The following DRC11 variants were observed in gnomAD, a reference collection of about 807,000 sequenced individuals.
DRC11 encodes dynein regulatory complex subunit 11.
At chr2:236,488,155 C>T in the DRC11 span, 3 of 1,605,920 alleles carry the variant, frequency 1.9e-6, no homozygotes, top group Non-Finnish European at 2.5e-6. Context: ...ATTAATTTAA[C>T]AGCCTCATCG....
chr2:236,319,861 G>C, the DRC11 span, among the ~76,000 whole-genome samples: 3 of 152,200 alleles, frequency 2.0e-5, no homozygotes, highest in Non-Finnish European at 4.4e-5. The surrounding 1 kb of genome is among the most constrained non-coding windows in gnomAD (Gnocchi z 6.7). Flanking sequence ...GCCAGGCAGT[G>C]CTCAGCCTGA....
At chr2:236,314,330 C>T in the DRC11 span, among the ~76,000 whole-genome samples, 3 of 152,072 alleles carry the variant, frequency 2.0e-5, no homozygotes, top group Admixed American at 6.5e-5. The surrounding 1 kb of genome is among the most constrained non-coding windows in gnomAD (Gnocchi z 4.5). Context: ...TCTTAGCACA[C>T]GAAATGTGAT....
At chr2:236,418,354 T>A in the DRC11 span, among the ~76,000 whole-genome samples, 6 of 152,216 alleles carry the variant, frequency 3.9e-5, no homozygotes, top group African/African-American at 1.4e-4. Flanking sequence ...CATATGTTTG[T>A]TGGCTGCTGC....
the DRC11 span, among the ~76,000 whole-genome samples, chr2:236,366,220 G>C: frequency 3.3e-5 from 5 of 152,150 alleles, no homozygotes; most frequent in Admixed American, 3.3e-4. Context: ...TCTCTAACAA[G>C]GTGGTTTCGG....
chr2:236,478,063 G>C, the DRC11 span, among the ~76,000 whole-genome samples: 1 of 151,188 alleles, frequency 6.6e-6, no homozygotes, highest in Non-Finnish European at 1.5e-5. The surrounding 1 kb of genome is among the most constrained non-coding windows in gnomAD (Gnocchi z 5.9). Flanking sequence ...TTTCTGCTCT[G>C]ATCTTTATTT....
chr2:236,327,898 T>C, the DRC11 span, among the ~76,000 whole-genome samples: 1 of 152,222 alleles, frequency 6.6e-6, no homozygotes, highest in African/African-American at 2.4e-5. Context: ...GTCAGGCTGG[T>C]CTCGAACTTC....
chr2:236,492,394 C>T, the DRC11 span, among the ~76,000 whole-genome samples: 1 of 152,336 alleles, frequency 6.6e-6, no homozygotes, highest in Middle Eastern at 3.4e-3. Flanking sequence ...CATTTCACCT[C>T]TCTTCTGAGG....
chr2:236,381,677 G>A, the DRC11 span, among the ~76,000 whole-genome samples: 1 of 152,218 alleles, frequency 6.6e-6, no homozygotes, highest in African/African-American at 2.4e-5. This position sits in a 1 kb window ranked among gnomAD's most constrained non-coding sequence, Gnocchi z 5.8. Flanking sequence ...AGGTACTTGT[G>A]ACAGCCTAGA....
At chr2:236,406,161 G>A in the DRC11 span, among the ~76,000 whole-genome samples, 1 of 152,232 alleles carries the variant, frequency 6.6e-6, no homozygotes, top group Non-Finnish European at 1.5e-5. This position sits in a 1 kb window ranked among gnomAD's most constrained non-coding sequence, Gnocchi z 4.7. Flanking sequence ...ACTGAGAGAT[G>A]CAGAGATGCA....
chr2:236,331,560 G>A, the DRC11 span: 1 of 1,613,894 alleles, frequency 6.2e-7, no homozygotes, highest in South Asian at 1.1e-5. This position sits in a 1 kb window ranked among gnomAD's most constrained non-coding sequence, Gnocchi z 4.8. Flanking sequence ...CACTGGTGAG[G>A]ACTCCTCCAT....
chr2:236,400,557 T>TA, the DRC11 span, among the ~76,000 whole-genome samples: 1 of 152,360 alleles, frequency 6.6e-6, no homozygotes, highest in South Asian at 2.1e-4. The surrounding 1 kb of genome is among the most constrained non-coding windows in gnomAD (Gnocchi z 7.9). Context: ...CTATCATGGC[T>TA]ATTGCTACCC....
At chr2:236,357,829 T>C in the DRC11 span, among the ~76,000 whole-genome samples, 2 of 125,910 alleles carry the variant, frequency 1.6e-5, no homozygotes, top group South Asian at 2.4e-4. Flanking sequence ...AATATACATA[T>C]ACTATATAAA....
the DRC11 span, among the ~76,000 whole-genome samples, chr2:236,496,475 C>T: frequency 1.2e-4 from 18 of 152,302 alleles, no homozygotes; most frequent in African/African-American, 4.1e-4. The surrounding 1 kb of genome is among the most constrained non-coding windows in gnomAD (Gnocchi z 6.3). Context: ...CCAGTGGCCC[C>T]GGCAGCCCAG....
the DRC11 span, among the ~76,000 whole-genome samples, chr2:236,438,467 C>T: frequency 6.7e-6 from 1 of 149,986 alleles, no homozygotes; most frequent in Non-Finnish European, 1.5e-5. Flanking sequence ...TAGTTTTTTC[C>T]AATTCTGTGA....
chr2:236,465,428 T>C, the DRC11 span: 1 of 1,237,504 alleles, frequency 8.1e-7, no homozygotes, highest in Non-Finnish European at 1.2e-6. This position sits in a 1 kb window ranked among gnomAD's most constrained non-coding sequence, Gnocchi z 6.2. Flanking sequence ...ATCAATATGC[T>C]TCTGTGCTTA....
At chr2:236,413,841 T>C in the DRC11 span, among the ~76,000 whole-genome samples, 5 of 152,184 alleles carry the variant, frequency 3.3e-5, no homozygotes, top group Non-Finnish European at 5.9e-5. The surrounding 1 kb of genome is among the most constrained non-coding windows in gnomAD (Gnocchi z 4.0). Flanking sequence ...GAGGAAACAG[T>C]TGTAAGGATG....
At chr2:236,441,124 T>G in the DRC11 span, 1 of 1,551,998 alleles carries the variant, frequency 6.4e-7, no homozygotes, top group Non-Finnish European at 8.7e-7. Flanking sequence ...CGGTTAAATT[T>G]CTGCAGGAAA....
the DRC11 span, among the ~76,000 whole-genome samples, chr2:236,320,850 C>T: frequency 1.3e-5 from 2 of 151,370 alleles, no homozygotes; most frequent in East Asian, 1.9e-4. Flanking sequence ...CCGCCCCCCG[C>T]CATCGCCTTC....
the DRC11 span, chr2:236,392,393 TA>T: frequency 1.9e-6 from 2 of 1,075,124 alleles, no homozygotes; most frequent in African/African-American, 3.2e-5. This position sits in a 1 kb window ranked among gnomAD's most constrained non-coding sequence, Gnocchi z 5.1. Flanking sequence ...GAAAAAATTT[TA>T]AAAAGATATA....
Sources: gnomAD v4.1 joint callset for allele counts (sites outside exome capture counted in the v4.1 genomes callset) on GRCh38, gnomAD v4.1.1 for gene constraint, Gnocchi (gnomAD v3.1) non-coding constraint, MANE v1.5 for transcripts, NCBI Gene and HGNC (gene_info 2026-07-23, HGNC 2026-07-21) for gene names.